Variants in LEPR observed in about 807,000 individuals in gnomAD.
LEPR encodes leptin receptor, also known as OB receptor.
LEPR carries 56 observed loss-of-function variants against 114.7 expected under a neutral mutation model. The observed-to-expected ratio is 0.49, with a 90% CI of 0.39 to 0.61. LEPR has a LOEUF of 0.61. Among genes scored for constraint, LEPR ranks in the 20% least tolerant of loss-of-function variants. LEPR has a pLI of 0.00. For synonymous variants in LEPR, 443 were observed against 461.4 expected (o/e 0.96, Z 0.51); for missense variants, 1,202 against 1,352.9 (o/e 0.89, Z 1.75).
chr1:65,425,442 G>A, intron 2 of LEPR, 64 bp downstream of exon 2: 1 of 1,403,512 alleles, frequency 7.1e-7, no homozygotes, highest in Non-Finnish European at 9.7e-7. Context: ...TAGTATGGGT[G>A]TTAGAGAGTT....
chr1:65,472,663 A>G (rs1014674483), intron 2 of LEPR, among the ~76,000 whole-genome samples: 1 of 146,904 alleles, frequency 6.8e-6, no homozygotes, highest in Non-Finnish European at 1.5e-5. Flanking sequence ...TTTCTTTTTT[A>G]AAAGAGTGTA....
intron 14 of LEPR, among the ~76,000 whole-genome samples, chr1:65,611,746 A>G (rs1036158604): frequency 1.3e-5 from 2 of 152,242 alleles, no homozygotes; most frequent in African/African-American, 4.8e-5. Context: ...TGTAATGATG[A>G]AAATGGTTTA....
chr1:65,432,853 A>C, intron 2 of LEPR: 3 of 675,034 alleles, frequency 4.4e-6, no homozygotes, highest in Non-Finnish European at 5.5e-6. Context: ...TCATATGTTA[A>C]TTAGTGTAAT....
At chr1:65,479,384 T>G (rs1397169346) in intron 2 of LEPR, among the ~76,000 whole-genome samples, 1 of 152,148 alleles carries the variant, frequency 6.6e-6, no homozygotes, top group Non-Finnish European at 1.5e-5. Context: ...TGCCTTATAA[T>G]AGCCCATAGA....
rs1000975520 is a variant in LEPR, at chr1:65,623,744, A to G, written c.2673+763A>G. ...ATTAGTCACTTGTTAAAAGTTTTCAATGGTTTCCTTTTGAATACAAGATAT... is the reference window on the plus strand; with the variant it reads ...ATTAGTCACTTGTTAAAAGTTTTCAGTGGTTTCCTTTTGAATACAAGATAT... On this transcript the variant is annotated intron_variant, in intron 19 of 19. Coordinates refer to ENST00000349533, the MANE Select transcript of LEPR (RefSeq NM_002303.6). 3.3e-5 allele frequency among the ~76,000 whole-genome samples: 5 copies of G among 152,282 alleles called. No individual in the cohort carries two copies. The South Asian group carries it at 6.2e-4, about 19-fold the overall frequency.
chr1:65,432,541 TCTGGGTGTTAC>T (rs1223124129), intron 2 of LEPR: 1 of 838,514 alleles, frequency 1.2e-6, no homozygotes, highest in African/African-American at 1.9e-5. Flanking sequence ...ACTTAACCTC[TCTGGGTGTTAC>T]CTGCTCATTT....
At chr1:65,423,863 C>T (rs1185343405) in intron 1 of LEPR, among the ~76,000 whole-genome samples, 1 of 152,184 alleles carries the variant, frequency 6.6e-6, no homozygotes. Context: ...CTTTTGATTT[C>T]TACCTTTATC....
intron 5 of LEPR, among the ~76,000 whole-genome samples, chr1:65,582,785 C>T (rs1045623108): frequency 6.6e-6 from 1 of 152,126 alleles, no homozygotes; most frequent in East Asian, 1.9e-4. Flanking sequence ...CTATTTTCTG[C>T]ACCATCATGT....
At chr1:65,571,572 G>A (rs536372196) in intron 4 of LEPR, among the ~76,000 whole-genome samples, 1 of 150,684 alleles carries the variant, frequency 6.6e-6, no homozygotes, top group Admixed American at 6.6e-5. Flanking sequence ...TTAAAAGCGT[G>A]ATGATTGGGT....
intron 2 of LEPR, among the ~76,000 whole-genome samples, chr1:65,484,815 C>A (rs912683645): frequency 6.6e-6 from 1 of 152,134 alleles, no homozygotes; most frequent in African/African-American, 2.4e-5. Context: ...ATGCATCCTT[C>A]AATATGGTTT....
intron 2 of LEPR, among the ~76,000 whole-genome samples, chr1:65,507,501 A>G (rs990245429): frequency 5.5e-5 from 7 of 127,684 alleles, no homozygotes; most frequent in South Asian, 2.3e-4. Flanking sequence ...ATGTGTGTGT[A>G]TATATATATA....
chr1:65,526,457 A>G (rs12135802), intron 2 of LEPR: 61,868 of 975,886 alleles, frequency 0.063, 2,641 homozygotes, highest in South Asian at 0.27. Context: ...TGCCATTTAA[A>G]AACTGGTTCT....
chr1:65,477,482 C>T (rs1176377026), intron 2 of LEPR, among the ~76,000 whole-genome samples: 1 of 152,196 alleles, frequency 6.6e-6, no homozygotes. Context: ...ACTATTTCCA[C>T]TTCTACACGA....
At chr1:65,548,627 C>T (rs1214858693) in intron 2 of LEPR, among the ~76,000 whole-genome samples, 3 of 152,154 alleles carry the variant, frequency 2.0e-5, no homozygotes, top group African/African-American at 7.2e-5. Context: ...ACTAGGATTG[C>T]AACCCCGGTC....
intron 2 of LEPR, among the ~76,000 whole-genome samples, chr1:65,554,686 C>T (rs1338457782): frequency 4.6e-5 from 7 of 152,114 alleles, no homozygotes; most frequent in Admixed American, 3.3e-4. Context: ...ATTTGACTCC[C>T]TGGCTTCAGC....
At chr1:65,534,969 T>C (rs1300778047) in intron 2 of LEPR, among the ~76,000 whole-genome samples, 1 of 152,188 alleles carries the variant, frequency 6.6e-6, no homozygotes, top group Non-Finnish European at 1.5e-5. Flanking sequence ...GCCGCTGTTA[T>C]TTGGGTCTCT....
intron 2 of LEPR, chr1:65,526,324 A>ACAGTAG: frequency 1.0e-6 from 1 of 985,358 alleles, no homozygotes. Flanking sequence ...TTAAACAACA[A>ACAGTAG]CAGTAGCAGC....
At position 65,452,175 on chromosome 1, in the gene LEPR, T is replaced by A. The variant is rs1646795222; in HGVS notation, c.-21+26797T>A. ...GTTGCTTATCAATTTAAGGAGATTT[T>A]GGGCTGAGACAATGGGGTTTTCTAG... is the stretch of plus-strand genomic sequence containing the variant. On this transcript the variant is annotated intron_variant, in intron 2 of 19. Coordinates refer to ENST00000349533, the MANE Select transcript of LEPR (RefSeq NM_002303.6). 3.3e-5 allele frequency among the ~76,000 whole-genome samples: 5 copies of A among 152,364 alleles called. No individual in the cohort carries two copies. In the South Asian group the frequency reaches 1.0e-3, roughly 32 times the overall value.
At chr1:65,629,483 G>A (rs1658403901) in intron 19 of LEPR, 1 of 223,016 alleles carries the variant, frequency 4.5e-6, no homozygotes, top group South Asian at 5.8e-5. Context: ...ACACTTCTCA[G>A]TGGTTCCGAT....
Sources: gnomAD v4.1 joint callset for allele counts (sites outside exome capture counted in the v4.1 genomes callset) on GRCh38, gnomAD v4.1.1 for gene constraint, MANE v1.5 for transcripts, NCBI Gene and HGNC (gene_info 2026-07-23, HGNC 2026-07-21) for gene names.